The following ZFYVE26 variants were observed in gnomAD, a reference collection of about 807,000 sequenced individuals.
ZFYVE26 encodes the protein zinc finger FYVE domain-containing protein 26.
Under a neutral mutation model 276.5 loss-of-function variants are expected in ZFYVE26, and 181 were observed. The observed-to-expected ratio is 0.65, with a 90% CI of 0.58 to 0.74. The LOEUF is 0.74. Ranked by LOEUF, ZFYVE26 falls within the 30% of genes least tolerant of loss-of-function variation. The pLI, the probability that ZFYVE26 is intolerant of heterozygous loss-of-function variation, is 0.00. For synonymous variants in ZFYVE26, 1,129 were observed against 1,203.1 expected, an observed-to-expected ratio of 0.94 and a Z score of 1.27; for missense variants, 2,821 against 3,097.9, an observed-to-expected ratio of 0.91 and a Z score of 2.12.
At chr14:67,811,459 C>T (rs1043655923) in intron 3 of ZFYVE26, among the ~76,000 whole-genome samples, 2 of 152,064 alleles carry the variant, frequency 1.3e-5, no homozygotes, top group Non-Finnish European at 2.9e-5. Flanking sequence ...TTTGTGGTTT[C>T]TTAGTTTTAA....
chr14:67,769,975 A>T lies in ZFYVE26; in HGVS notation c.5485-245T>A, dbSNP rs2039164753. On this transcript the variant is annotated intron_variant, in intron 28 of 41. Transcript: ENST00000347230. ...TTTGCGATAGCTCCTGACAAGTTCTACTTGTGTATGGAGGCAACATGTGGA... is the reference window on the plus strand; with the variant it reads ...TTTGCGATAGCTCCTGACAAGTTCTTCTTGTGTATGGAGGCAACATGTGGA... 2.9e-5 allele frequency: 16 copies of T among 548,516 alleles called. No individual in the cohort carries two copies. In the South Asian group the frequency reaches 3.2e-4, roughly 11 times the overall value. 34.0% of individuals were successfully genotyped at this position (548,516 alleles called of 1,614,324 possible).
At chr14:67,752,615 G>T in intron 39 of ZFYVE26, 89 bp from the exon 40 acceptor site, 1 of 1,371,340 alleles carries the variant, frequency 7.3e-7, no homozygotes. Context: ...CACTATGCTT[G>T]GTGTAGATAA....
chr14:67,815,887 C>T lies in ZFYVE26; in HGVS notation c.77G>A (p.Arg26Lys). Residue 26 changes from arginine (R) to lysine (K), a missense_variant, in exon 2 of 42, where the codon AGG (arginine) becomes AAG (lysine). Arg to Lys is a conservative substitution (Grantham distance 26). Coordinates refer to ENST00000347230, the MANE Select transcript of ZFYVE26 (RefSeq NM_015346.4). ...TGCCTGTGCCAGCTCCCATTCTCCC[C>T]TCCGCAGGCATTCGCAGAAAAATCC... The part of the protein sequence containing the change: ...LFGFFCECLR[R>K]GEWELAQACV... 2 of 1,614,162 alleles carry T rather than the reference C, an allele frequency of 1.2e-6. No individual in the cohort carries two copies. Among genetic ancestry groups the T allele is most frequent in the Non-Finnish European group, 1.7e-6 (2 of 1,180,024 alleles).
chr14:67,764,784 T>C (rs2039016441), intron 32 of ZFYVE26, among the ~76,000 whole-genome samples: 1 of 152,146 alleles, frequency 6.6e-6, no homozygotes, highest in Non-Finnish European at 1.5e-5. Context: ...CAAGACACCT[T>C]GGGGTGGGTG....
At chr14:67,742,151 A>G (rs11158689), downstream of ZFYVE26, among the ~76,000 whole-genome samples, 16,873 of 152,286 alleles carry the variant, frequency 0.11, 1,592 homozygotes, top group East Asian at 0.46. Flanking sequence ...CAGACACAAA[A>G]GGACAAATAC....
intron 37 of ZFYVE26, among the ~76,000 whole-genome samples, chr14:67,754,696 G>A (rs1375700838): frequency 2.0e-5 from 3 of 152,244 alleles, no homozygotes; most frequent in Non-Finnish European, 4.4e-5. Context: ...GACTTGGTGT[G>A]TTGAGGAGCC....
rs2039199557 is a variant in ZFYVE26, at chr14:67,771,187, C to G, written c.5484+860G>C. On this transcript the variant is annotated intron_variant, in intron 28 of 41. Coordinates refer to ENST00000347230, the MANE Select transcript of ZFYVE26 (RefSeq NM_015346.4). ...GTTCCCCTTTTTCTGTCCATGTGTTCTCAGTATTTAGCTCTCACTTAAAAT... is the reference window on the plus strand; with the variant it reads ...GTTCCCCTTTTTCTGTCCATGTGTTGTCAGTATTTAGCTCTCACTTAAAAT... Among the ~76,000 whole-genome samples the G allele has an allele frequency of 2.6e-5, 4 of 152,208 alleles. No homozygotes were observed. In the South Asian group the frequency reaches 8.3e-4, roughly 32 times the overall value.
At chr14:67,776,470 T>A (rs900294316) in intron 25 of ZFYVE26, among the ~76,000 whole-genome samples, 11 of 152,228 alleles carry the variant, frequency 7.2e-5, no homozygotes, top group African/African-American at 2.7e-4. Flanking sequence ...CAATAACACT[T>A]GCTTTACAAA....
chr14:67,769,463 TG>T, intron 29 of ZFYVE26, 130 bp downstream of exon 29: 2 of 1,364,452 alleles, frequency 1.5e-6, no homozygotes, highest in South Asian at 2.4e-5. Context: ...GTAGAGTTAA[TG>T]GCATTTCAGT....
chr14:67,781,388 TC>T lies in ZFYVE26; in HGVS notation c.4513del (p.Glu1505LysfsTer3). ...CCTCTGTAGCTCACACTTTAGTCCT[TC>T]TTGGACAGCCGTGTCTGAAATGCAG... ...AYCISDTAVQ[E>X]GLKCELQRKL... On this transcript the variant is annotated frameshift_variant, in exon 22 of 42. Transcript: ENST00000347230. LOFTEE classifies it high-confidence loss of function. 6.2e-7 allele frequency: 1 copy of T among 1,614,172 alleles called. No homozygotes were observed. The highest frequency in any genetic ancestry group is 8.5e-7 in the Non-Finnish European group (1 of 1,180,038).
At chr14:67,779,221 A>G (rs1040938050) in intron 23 of ZFYVE26, among the ~76,000 whole-genome samples, 5 of 141,964 alleles carry the variant, frequency 3.5e-5, no homozygotes, top group Admixed American at 2.0e-4. Flanking sequence ...TTAAAACAAC[A>G]ATGAGATACC....
At chr14:67,808,309 C>A (rs77726058) in intron 4 of ZFYVE26, among the ~76,000 whole-genome samples, 3,969 of 152,216 alleles carry the variant, frequency 0.026, 91 homozygotes, top group African/African-American at 0.062. Flanking sequence ...CATCTAAAGG[C>A]ATTTACATTC....
At chr14:67,789,662 A>G in intron 15 of ZFYVE26, 64 bp from the exon 16 acceptor site, 1 of 1,605,276 alleles carries the variant, frequency 6.2e-7, no homozygotes, top group South Asian at 1.1e-5. Flanking sequence ...AACTTTTATT[A>G]GGTAAAGTAG....
rs2039327674 is a variant in ZFYVE26, at chr14:67,775,867, T to C, written c.5214A>G (p.Lys1738=). The stretch of plus-strand genomic sequence containing the variant: ...TAGGATGCTAGCAGTTACCTGATCG[T>C]TTCTCCCTCTGAGGGTATGGAAAGT... ...ALDFPYPQRE[K]RSDSVIHLQE... The change falls in exon 26 of 42, where the codon AAA becomes AAG. Residue 1738 remains lysine, a synonymous_variant. Transcript: ENST00000347230. 6.2e-7 allele frequency: 1 copy of C among 1,614,094 alleles called. No individual in the cohort carries two copies. The highest frequency in any genetic ancestry group is 1.7e-5 in the Admixed American group (1 of 60,002).
chr14:67,795,704 A>G (rs1190680405), intron 12 of ZFYVE26, among the ~76,000 whole-genome samples: 1 of 152,230 alleles, frequency 6.6e-6, no homozygotes, highest in Non-Finnish European at 1.5e-5. Flanking sequence ...ATACTCCTGC[A>G]TAATGCGCCT....
chr14:67,761,064 G>A, intron 35 of ZFYVE26: 4 of 609,386 alleles, frequency 6.6e-6, no homozygotes, highest in Non-Finnish European at 8.8e-6. Flanking sequence ...GACTCACACT[G>A]AGCATCTCAT....
At position 67,755,228 on chromosome 14, in the gene ZFYVE26, GT is replaced by G; in HGVS notation, c.6808del (p.Thr2270ProfsTer30). The G allele has an allele frequency of 6.2e-7, 1 of 1,614,160 alleles. No individual in the cohort carries two copies. The highest frequency in any genetic ancestry group is 8.5e-7 in the Non-Finnish European group (1 of 1,180,038). ...TTTGTGACTGAAGAACCGAATACAG[GT>G]CATGGCGGCCCGAACTTGGTCCTAG... ...FMKDQVRAAM[T>X]CIRFFSHKAK... is the part of the protein sequence containing the mutation. On this transcript the variant is annotated frameshift_variant, in exon 37 of 42. Transcript: ENST00000347230. LOFTEE classifies it high-confidence loss of function.
intron 3 of ZFYVE26, among the ~76,000 whole-genome samples, chr14:67,811,677 C>G (rs546455992): frequency 2.0e-5 from 3 of 151,398 alleles, no homozygotes; most frequent in African/African-American, 7.3e-5. Context: ...AGTCTTATTT[C>G]TGCTATTTCT....
At position 67,814,004 on chromosome 14, in the gene ZFYVE26, T is replaced by C; in HGVS notation, c.255A>G (p.Lys85=). Residue 85 remains lysine, a synonymous_variant, in exon 3 of 42, where the codon AAA becomes AAG. Coordinates refer to ENST00000347230, the MANE Select transcript of ZFYVE26 (RefSeq NM_015346.4). The part of the protein sequence containing the change: ...VAWVWLLVLE[K]WLAREKKLLP... Reference sequence around the variant, plus strand: ...TACTTACCTTTTCCCGGGCCAACCATTTCTCCAGTACAAGAAGCCAGACCC... The same window carrying C: ...TACTTACCTTTTCCCGGGCCAACCACTTCTCCAGTACAAGAAGCCAGACCC... 6.2e-7 allele frequency: 1 copy of C among 1,613,890 alleles called. No individual in the cohort carries two copies. The highest frequency in any genetic ancestry group is 8.5e-7 in the Non-Finnish European group (1 of 1,179,832).
Sources: gnomAD v4.1 joint callset for allele counts (sites outside exome capture counted in the v4.1 genomes callset) on GRCh38, gnomAD v4.1.1 for gene constraint, MANE v1.5 for transcripts, NCBI Gene and HGNC (gene_info 2026-07-23, HGNC 2026-07-21) for gene names.